Variants in ZBTB20 observed in about 807,000 individuals in gnomAD.
ZBTB20 encodes the protein zinc finger and BTB domain containing 20.
Under a neutral mutation model 56.9 loss-of-function variants are expected in ZBTB20, and 9 were observed. The ratio of observed to expected loss-of-function variants is 0.16; its 90% CI spans 0.10 to 0.28. ZBTB20 has a LOEUF of 0.28. ZBTB20 is among the 10% of genes least tolerant of loss of function. The pLI is 1.00. For synonymous variants in ZBTB20, 417 were observed against 420.7 expected, an observed-to-expected ratio of 0.99 and a Z score of 0.11; for missense variants, 655 against 1,003.0, an observed-to-expected ratio of 0.65 and a Z score of 4.69.
At chr3:114,608,173 G>T (rs902294299) in intron 6 of ZBTB20, among the ~76,000 whole-genome samples, 1 of 152,102 alleles carries the variant, frequency 6.6e-6, no homozygotes, top group Non-Finnish European at 1.5e-5. Flanking sequence ...CAGTCTAAAA[G>T]AAGACTATTC....
At chr3:114,643,357 A>T (rs1385407080) in intron 6 of ZBTB20, among the ~76,000 whole-genome samples, 1 of 152,222 alleles carries the variant, frequency 6.6e-6, no homozygotes, top group East Asian at 1.9e-4. Context: ...TAATGAAATG[A>T]GTTCTAATAA....
At chr3:115,145,942 T>G (rs1019020129) in intron 1 of ZBTB20, among the ~76,000 whole-genome samples, 3 of 152,168 alleles carry the variant, frequency 2.0e-5, no homozygotes, top group African/African-American at 7.2e-5. Context: ...TATAATTTTT[T>G]TAGCTGAAAT....
chr3:115,018,217 GT>G (rs1197525913), intron 2 of ZBTB20, among the ~76,000 whole-genome samples: 1 of 151,090 alleles, frequency 6.6e-6, no homozygotes, highest in Non-Finnish European at 1.5e-5. Context: ...TGATTAGTGT[GT>G]TTAAAGAGTT....
intron 1 of ZBTB20, among the ~76,000 whole-genome samples, chr3:115,101,793 T>A (rs970191738): frequency 6.6e-6 from 1 of 152,226 alleles, no homozygotes; most frequent in Non-Finnish European, 1.5e-5. Context: ...TCATCCTTTT[T>A]ATGTGGTTTT....
chr3:114,722,634 A>G (rs920979069), intron 5 of ZBTB20, among the ~76,000 whole-genome samples: 1 of 152,218 alleles, frequency 6.6e-6, no homozygotes, highest in Non-Finnish European at 1.5e-5. Context: ...TTAAGATTTT[A>G]TACAGCTTGG....
chr3:115,009,107 G>T (rs186276582), intron 2 of ZBTB20, among the ~76,000 whole-genome samples: 1,695 of 151,668 alleles, frequency 0.011, 26 homozygotes, highest in South Asian at 0.022. Context: ...TATATTTCTT[G>T]TTCTTGAATT....
Position 114,318,270 on chromosome 3 carries a change from T to C in ZBTB20, c.*20735A>G, listed in dbSNP as rs1309260812. On this transcript the variant is annotated 3_prime_UTR_variant, in exon 12 of 12. Transcript: ENST00000675478. ...AGATCCCTTGTGCTCAGTGGTCTCT[T>C]GCCCCACCTTCCTGAGGGCTGGGGG... is the stretch of plus-strand genomic sequence containing the variant. The C allele has an allele frequency of 6.6e-6, 1 of 152,264 alleles. No homozygotes were observed. The highest frequency in any genetic ancestry group is 1.5e-5 in the Non-Finnish European group (1 of 68,076). 9.4% of individuals were successfully genotyped at this position (152,264 alleles called of 1,614,324 possible).
At chr3:115,084,578 ATTAAT>A (rs2082918272) in intron 1 of ZBTB20, among the ~76,000 whole-genome samples, 1 of 151,964 alleles carries the variant, frequency 6.6e-6, no homozygotes, top group Non-Finnish European at 1.5e-5. Flanking sequence ...TTTTTAAAAG[ATTAAT>A]TTATATTAAC....
intron 1 of ZBTB20, among the ~76,000 whole-genome samples, chr3:115,128,357 T>C (rs2084395145): frequency 6.6e-6 from 1 of 152,024 alleles, no homozygotes. Flanking sequence ...CTAAAGTCCA[T>C]TTACAGAAAT....
At chr3:114,759,314 G>C (rs79544432) in intron 5 of ZBTB20, 10,491 of 152,190 alleles carry the variant, frequency 0.069, 397 homozygotes, top group Middle Eastern at 0.13. Context: ...AAAGGGGATG[G>C]GGAGGGGTGT....
At chr3:114,715,989 G>A (rs1048754734) in intron 5 of ZBTB20, among the ~76,000 whole-genome samples, 11 of 152,158 alleles carry the variant, frequency 7.2e-5, no homozygotes, top group East Asian at 1.9e-4. Flanking sequence ...TCTGAGGCCC[G>A]TGGCCTCTTA....
At position 114,990,161 on chromosome 3, in the gene ZBTB20, G is replaced by A. The variant is rs1402033233; in HGVS notation, c.-506-15745C>T. 3.9e-5 allele frequency among the ~76,000 whole-genome samples: 6 copies of A among 152,262 alleles called. No individual in the cohort carries two copies. In the East Asian group the frequency reaches 7.7e-4, roughly 20 times the overall value. On this transcript the variant is annotated intron_variant, in intron 2 of 11. Coordinates refer to ENST00000675478, the MANE Select transcript of ZBTB20 (RefSeq NM_001348800.3). ...TATGTTGAATAGGAGTGGTGAGAGAGGGCATCCCTGTCTTGTGCCCGTTTT... is the reference window on the plus strand; with the variant it reads ...TATGTTGAATAGGAGTGGTGAGAGAAGGCATCCCTGTCTTGTGCCCGTTTT...
intron 6 of ZBTB20, among the ~76,000 whole-genome samples, chr3:114,644,914 A>C (rs1269098177): frequency 1.3e-5 from 2 of 152,112 alleles, no homozygotes; most frequent in East Asian, 1.9e-4. Context: ...TGAAAATGAA[A>C]GAATAAACAG....
chr3:114,897,987 C>T (rs2074955513), intron 4 of ZBTB20, among the ~76,000 whole-genome samples: 1 of 152,108 alleles, frequency 6.6e-6, no homozygotes, highest in African/African-American at 2.4e-5. Flanking sequence ...TCTACTCTTG[C>T]TTGGCTTTAC....
chr3:114,900,537 AC>A, intron 3 of ZBTB20, 195 bp from the exon 4 acceptor site: 1 of 152,116 alleles, frequency 6.6e-6, no homozygotes, highest in African/African-American at 2.4e-5. Flanking sequence ...ACACACACAC[AC>A]ACACACACAC....
chr3:114,489,718 TAAAA>T (rs565516814), intron 7 of ZBTB20, among the ~76,000 whole-genome samples: 3 of 152,158 alleles, frequency 2.0e-5, no homozygotes, highest in African/African-American at 4.8e-5. Flanking sequence ...TATAGAATCA[TAAAA>T]AAAGTAAATA....
At chr3:114,644,406 T>A (rs1384075347) in intron 6 of ZBTB20, among the ~76,000 whole-genome samples, 2 of 152,024 alleles carry the variant, frequency 1.3e-5, no homozygotes, top group Non-Finnish European at 2.9e-5. Context: ...AATTTAAGAG[T>A]TACAGGTTAT....
At chr3:114,581,137 T>A (rs1029418290) in intron 6 of ZBTB20, among the ~76,000 whole-genome samples, 1 of 152,120 alleles carries the variant, frequency 6.6e-6, no homozygotes, top group Middle Eastern at 3.4e-3. Flanking sequence ...AGATTTGATA[T>A]AGGCAAAAGA....
intron 4 of ZBTB20, among the ~76,000 whole-genome samples, chr3:114,819,687 T>C (rs993870184): frequency 2.6e-5 from 4 of 151,644 alleles, no homozygotes; most frequent in African/African-American, 9.7e-5. Flanking sequence ...AACAGAACCA[T>C]GATCATACTA....
Sources: gnomAD v4.1 joint callset for allele counts (sites outside exome capture counted in the v4.1 genomes callset) on GRCh38, gnomAD v4.1.1 for gene constraint, MANE v1.5 for transcripts, NCBI Gene and HGNC (gene_info 2026-07-23, HGNC 2026-07-21) for gene names.